Variants in ZNF234 observed in about 807,000 individuals in gnomAD.
ZNF234 encodes C2-H2 type zinc finger protein.
ZNF234 carries 4 observed loss-of-function variants against 10.3 expected under a neutral mutation model. The ratio of observed to expected loss-of-function variants is 0.39; its 90% confidence interval spans 0.19 to 0.89. The LOEUF (loss-of-function observed/expected upper bound fraction) is 0.89, where lower values mean the gene tolerates loss of function less well. Ranked by LOEUF, ZNF234 falls within the 40% of genes least tolerant of loss-of-function variation. The probability of loss-of-function intolerance (pLI) is 0.38; values close to 1 mark genes in which losing one functional copy is unlikely to be tolerated. For missense variants in ZNF234, 711 were observed against 836.1 expected (o/e 0.85, Z 1.85); for synonymous variants, 258 against 280.1 (o/e 0.92, Z 0.79).
chr19:44,156,986 T>C lies in ZNF234; in HGVS notation c.970T>C (p.Cys324Arg), dbSNP rs182005583. Residue 324 changes from cysteine (C) to arginine (R), a missense_variant, in exon 6 of 6, where the codon TGT (cysteine) becomes CGT (arginine). Physicochemically the swap from Cys to Arg is radical, Grantham distance 180. Transcript: ENST00000426739. The part of the protein sequence containing the change: ...KPYKCEDCGK[C>R]FTCSSNLRIH... ...ATACAAATGTGAGGACTGTGGTAAG[T>C]GTTTCACTTGTAGCTCAAACCTTCG... 6.0e-3 allele frequency: 9,657 copies of C among 1,613,848 alleles called. 75 individuals are homozygous for C. Among genetic ancestry groups the C allele is most frequent in the Non-Finnish European group, 5.7e-3 (6,695 of 1,179,948 alleles).
chr19:44,156,637 C>T lies in ZNF234; in HGVS notation c.621C>T (p.Asp207=), dbSNP rs375861956. ...VHMGEKCYKC[D]VCGKEFSQSS... Reference sequence around the variant, plus strand: ...TGGGAGAGAAATGCTATAAGTGTGACGTGTGTGGTAAGGAATTTAGTCAGA... The same window carrying T: ...TGGGAGAGAAATGCTATAAGTGTGATGTGTGTGGTAAGGAATTTAGTCAGA... The change falls in exon 6 of 6, where the codon GAC becomes GAT. Residue 207 remains aspartate, a synonymous_variant. Coordinates refer to ENST00000426739, the MANE Select transcript of ZNF234 (RefSeq NM_006630.3). 5.3e-5 allele frequency: 86 copies of T among 1,614,114 alleles called. No individual in the cohort carries two copies. Among genetic ancestry groups the T allele is most frequent in the African/African-American group, 4.3e-4 (32 of 75,006 alleles).
Position 44,156,511 on chromosome 19 carries a change from T to C in ZNF234, c.495T>C (p.Leu165=), listed in dbSNP as rs376830221. The change falls in exon 6 of 6, where the codon CTT becomes CTC. Residue 165 remains leucine (L), a synonymous_variant. Coordinates refer to ENST00000426739, the MANE Select transcript of ZNF234 (RefSeq NM_006630.3). ...KSFTDVFNFD[L]HQQLHSGEKS... is the part of the protein sequence containing the mutation. ...TCACTGATGTCTTCAACTTTGATCT[T>C]CATCAACAGTTACACTCAGGAGAGA... is the stretch of plus-strand genomic sequence containing the variant. 3.6e-5 allele frequency: 58 copies of C among 1,614,266 alleles called. No individual in the cohort carries two copies. The African/African-American group carries it at 7.2e-4, about 20-fold the overall frequency.
intron 2 of ZNF234, among the ~76,000 whole-genome samples, chr19:44,144,087 G>A (rs1444298466): frequency 1.3e-5 from 2 of 152,120 alleles, no homozygotes; most frequent in East Asian, 3.8e-4. Flanking sequence ...ACTTTGCTGA[G>A]TGTAGTAATC....
chr19:44,158,158 G>A lies in ZNF234; in HGVS notation c.*39G>A. 3 of 1,585,832 alleles carry A rather than the reference G, an allele frequency of 1.9e-6. No homozygotes were observed. Among genetic ancestry groups the A allele is most frequent in the Non-Finnish European group, 2.6e-6 (3 of 1,169,366 alleles). On this transcript the variant is annotated 3_prime_UTR_variant, in exon 6 of 6. Coordinates refer to ENST00000426739, the MANE Select transcript of ZNF234 (RefSeq NM_006630.3). ...AACAGAACTCATGTACAACCTGAAT[G>A]CTTGTAATTAGATTTCATAGGAGGG...
In ZNF234 at chr19:44,150,434, A is replaced by T. The variant is rs1968710444; in HGVS notation, c.164A>T (p.Asp55Val). 5.0e-6 allele frequency: 8 copies of T among 1,587,854 alleles called. No individual in the cohort carries two copies. In the East Asian group the frequency reaches 1.6e-4, roughly 31 times the overall value. The change falls in exon 5 of 6, where the codon GAT (aspartate) becomes GTT (valine). Residue 55 changes from aspartate (D) to valine (V), a missense_variant. Physicochemically the swap from Asp to Val is radical, Grantham distance 152. Coordinates refer to ENST00000426739, the MANE Select transcript of ZNF234 (RefSeq NM_006630.3). ...LSVGHHPFKH[D>V]VFLLEKEKKL... ...CTAGGGCATCACCCCTTCAAACATG[A>T]TGTATTCCTTTTAGAAAAGGAAAAA...
At chr19:44,148,408 G>C (rs1003938967) in intron 3 of ZNF234, among the ~76,000 whole-genome samples, 1 of 152,164 alleles carries the variant, frequency 6.6e-6, no homozygotes, top group African/African-American at 2.4e-5. Context: ...GAGGAAGGTG[G>C]GTGTTATCAT....
chr19:44,149,331 C>T (rs1968680122), intron 4 of ZNF234, among the ~76,000 whole-genome samples: 2 of 151,966 alleles, frequency 1.3e-5, no homozygotes, highest in African/African-American at 4.8e-5. Flanking sequence ...GCCTCTTATC[C>T]CACCTACTTG....
At chr19:44,151,057 G>A (rs774100398) in intron 5 of ZNF234, among the ~76,000 whole-genome samples, 1 of 151,428 alleles carries the variant, frequency 6.6e-6, no homozygotes, top group Non-Finnish European at 1.5e-5. Context: ...ACTCTGAATG[G>A]CTTCTTATTT....
In ZNF234 at chr19:44,156,813, G is replaced by C; in HGVS notation, c.797G>C (p.Gly266Ala). Residue 266 changes from glycine to alanine, a missense_variant, in exon 6 of 6, where the codon GGA becomes GCA. Transcript: ENST00000426739. ...GEKPYNCEECGRAFIHASHLQ... is the reference protein window; with the variant it reads ...GEKPYNCEECARAFIHASHLQ... ...AAACCTTACAATTGTGAGGAATGTG[G>C]AAGGGCCTTCATACATGCTTCCCAT... 6.2e-7 allele frequency: 1 copy of C among 1,609,456 alleles called. No individual in the cohort carries two copies. The highest frequency in any genetic ancestry group is 8.5e-7 in the Non-Finnish European group (1 of 1,176,588).
At chr19:44,144,515 T>A in intron 2 of ZNF234, 42 bp from the exon 3 acceptor site, 1 of 869,342 alleles carries the variant, frequency 1.2e-6, no homozygotes. Flanking sequence ...GGTGGGGACA[T>A]CCCTGGCCAC....
At chr19:44,149,941 T>G (rs1968696230) in intron 4 of ZNF234, 1 of 152,372 alleles carries the variant, frequency 6.6e-6, no homozygotes, top group South Asian at 2.1e-4. Context: ...GGCATTCTTA[T>G]GCCAGGCCTT....
rs577320273 is a variant in ZNF234, at chr19:44,141,875, G to C, written c.-131+142G>C. On this transcript the variant is annotated intron_variant, in intron 1 of 5. Coordinates refer to ENST00000426739, the MANE Select transcript of ZNF234 (RefSeq NM_006630.3). This position sits in a 1 kb window ranked among gnomAD's most constrained non-coding sequence, Gnocchi z 4.6. Reference sequence around the variant, plus strand: ...CTCGCCTGGTTTGAGGGTTTCCGGGGCTCTGAGCTCGCCCACTCCGCCTCC... The same window carrying C: ...CTCGCCTGGTTTGAGGGTTTCCGGGCCTCTGAGCTCGCCCACTCCGCCTCC... 1 of 152,390 alleles carries C rather than the reference G, an allele frequency of 6.6e-6. No individual in the cohort carries two copies. The highest frequency in any genetic ancestry group is 2.1e-4 in the South Asian group (1 of 4,828). The allele number at this position is 152,390 out of a possible 1,614,324, so 9.4% of individuals were successfully genotyped here.
In ZNF234 at chr19:44,148,888, C is replaced by T; in HGVS notation, c.133C>T (p.Leu45=). 1 of 1,613,362 alleles carries T rather than the reference C, an allele frequency of 6.2e-7. No homozygotes were observed. The highest frequency in any genetic ancestry group is 8.5e-7 in the Non-Finnish European group (1 of 1,179,550). ...GATGCTGGAGAACTTCAGGAACCTG[C>T]TGTCAGTGGGTGAGGACATGAGCTT... is the stretch of plus-strand genomic sequence containing the variant. ...DVMLENFRNL[L]SVGHHPFKHD... is the part of the protein sequence containing the mutation. The change falls in exon 4 of 6, where the codon CTG becomes TTG. Residue 45 remains leucine, a synonymous_variant. Transcript: ENST00000426739.
At chr19:44,142,921 T>G (rs1039103199) in intron 2 of ZNF234, among the ~76,000 whole-genome samples, 2 of 152,230 alleles carry the variant, frequency 1.3e-5, no homozygotes, top group Non-Finnish European at 2.9e-5. Context: ...ATGTTTATAT[T>G]ACTTATAAAT....
intron 3 of ZNF234, 161 bp from the exon 4 acceptor site, chr19:44,148,610 G>T (rs2147612221): frequency 2.1e-6 from 2 of 973,160 alleles, no homozygotes; most frequent in Non-Finnish European, 3.3e-6. Context: ...GAAAATCAAA[G>T]TGTGGCATTG....
intron 5 of ZNF234, 53 bp from the exon 6 acceptor site, chr19:44,156,199 T>C: frequency 6.7e-7 from 1 of 1,491,098 alleles, no homozygotes; most frequent in Non-Finnish European, 9.0e-7. Flanking sequence ...AAGTATGACA[T>C]CTTGAAAACT....
rs1968903727 is a variant in ZNF234 at position 44,157,002 on chromosome 19, C to T, written c.986C>T (p.Ser329Leu). 1 of 1,613,996 alleles carries T rather than the reference C, an allele frequency of 6.2e-7. No homozygotes were observed. ...EDCGKCFTCS[S>L]NLRIHQRVHT... ...TGTGGTAAGTGTTTCACTTGTAGCT[C>T]AAACCTTCGTATCCATCAAAGGGTC... is the stretch of plus-strand genomic sequence containing the variant. Residue 329 changes from serine to leucine, a missense_variant, in exon 6 of 6, where the codon TCA becomes TTA. Ser to Leu is a moderately radical substitution (Grantham distance 145). Transcript: ENST00000426739.
At chr19:44,144,485 T>G in intron 2 of ZNF234, 72 bp from the exon 3 acceptor site, 1 of 555,314 alleles carries the variant, frequency 1.8e-6, no homozygotes, top group Non-Finnish European at 2.9e-6. Context: ...GTGTGCTAAT[T>G]CACAGTACAC....
chr19:44,156,180 C>T (rs1161859912), intron 5 of ZNF234, 72 bp from the exon 6 acceptor site: 1 of 1,392,478 alleles, frequency 7.2e-7, no homozygotes, highest in East Asian at 2.3e-5. Flanking sequence ...AAATCGCATG[C>T]TCTCGCCTAA....
Sources: gnomAD v4.1 joint callset for allele counts (sites outside exome capture counted in the v4.1 genomes callset) on GRCh38, gnomAD v4.1.1 for gene constraint, Gnocchi (gnomAD v3.1) non-coding constraint, MANE v1.5 for transcripts, NCBI Gene and HGNC (gene_info 2026-07-23, HGNC 2026-07-21) for gene names.